Variants in LRBA observed in about 807,000 individuals in gnomAD.
LRBA encodes LPS responsive beige-like anchor protein.
LRBA carries 176 observed loss-of-function variants against 330.0 expected under a neutral mutation model. That is an observed-to-expected ratio of 0.53 (90% confidence interval 0.47 to 0.60). The LOEUF (loss-of-function observed/expected upper bound fraction) is 0.60. LRBA is among the 20% of genes least tolerant of loss of function. LRBA has a pLI of 0.00. For synonymous variants in LRBA, 1,230 were observed against 1,193.0 expected (o/e 1.03, Z -0.64); for missense variants, 3,259 against 3,444.8 (o/e 0.95, Z 1.35).
chr4:150,933,057 A>G (rs1417497351), intron 2 of LRBA, among the ~76,000 whole-genome samples: 1 of 152,200 alleles, frequency 6.6e-6, no homozygotes, highest in Non-Finnish European at 1.5e-5. Context: ...TAGATACAAG[A>G]ACTTCATTGT....
At chr4:150,594,291 A>G (rs929471467) in intron 38 of LRBA, among the ~76,000 whole-genome samples, 1 of 152,068 alleles carries the variant, frequency 6.6e-6, no homozygotes, top group Non-Finnish European at 1.5e-5. Flanking sequence ...CAGTGGTCTA[A>G]TAGCTTTCTG....
chr4:150,715,676 T>C (rs1728093588), intron 36 of LRBA, among the ~76,000 whole-genome samples: 1 of 152,180 alleles, frequency 6.6e-6, no homozygotes, highest in African/African-American at 2.4e-5. Flanking sequence ...AAAGACTACA[T>C]CATAAGCATT....
intron 40 of LRBA, among the ~76,000 whole-genome samples, chr4:150,557,590 A>G (rs1366471462): frequency 6.6e-6 from 1 of 151,772 alleles, no homozygotes; most frequent in Admixed American, 6.6e-5. Context: ...ATGGTTTTTA[A>G]GACTTTTCGT....
chr4:150,814,668 G>C (rs961832458), intron 31 of LRBA, among the ~76,000 whole-genome samples: 7 of 151,470 alleles, frequency 4.6e-5, no homozygotes, highest in Non-Finnish European at 3.0e-5. Flanking sequence ...GGGGAAAAAA[G>C]TTTAAAATTC....
chr4:150,467,793 G>A lies in LRBA; in HGVS notation c.6668-8C>T. ...AGTCATTATAACTCCGTCCTGATAG[G>A]GAAAAAAGTTACTCGTAATTTATAA... On this transcript the variant is annotated splice_region_variant and splice_polypyrimidine_tract_variant and intron_variant, in intron 43 of 56. Transcript: ENST00000651943. The A allele has an allele frequency of 7.9e-7, 1 of 1,258,036 alleles. No individual in the cohort carries two copies. Among genetic ancestry groups the A allele is most frequent in the Admixed American group, 2.1e-5 (1 of 48,110 alleles). The allele number at this position is 1,258,036 out of a possible 1,614,324, so 77.9% of individuals were successfully genotyped here.
intron 37 of LRBA, among the ~76,000 whole-genome samples, chr4:150,629,301 A>G (rs1581858892): frequency 6.6e-6 from 1 of 152,236 alleles, no homozygotes; most frequent in East Asian, 1.9e-4. Flanking sequence ...TAAAAATGTA[A>G]GTATAAACTA....
intron 2 of LRBA, among the ~76,000 whole-genome samples, chr4:150,964,147 C>T (rs1738591107): frequency 1.3e-5 from 2 of 148,280 alleles, no homozygotes; most frequent in Non-Finnish European, 2.9e-5. Flanking sequence ...CCCGCCCGGC[C>T]AGCTGCCCCG....
Position 151,005,686 on chromosome 4 carries a change from C to T in LRBA, c.216+8741G>A, listed in dbSNP as rs1201312451. 2.0e-5 allele frequency among the ~76,000 whole-genome samples: 3 copies of T among 148,720 alleles called. No individual in the cohort carries two copies. The Admixed American group carries it at 2.0e-4, about 10-fold the overall frequency. Reference sequence around the variant, plus strand: ...GTGGTGCAATCTCAGCTCACACCAACCTCCACCTCCCAGGTTCAAGCAATT... The same window carrying T: ...GTGGTGCAATCTCAGCTCACACCAATCTCCACCTCCCAGGTTCAAGCAATT... On this transcript the variant is annotated intron_variant, in intron 2 of 56. Transcript: ENST00000651943.
intron 37 of LRBA, among the ~76,000 whole-genome samples, chr4:150,620,708 G>A (rs1776210879): frequency 6.6e-6 from 1 of 152,232 alleles, no homozygotes; most frequent in East Asian, 1.9e-4. Context: ...CTGAGGAATG[G>A]AAAACCAAAT....
chr4:150,754,815 T>C (rs1377112999), intron 35 of LRBA, among the ~76,000 whole-genome samples: 1 of 152,162 alleles, frequency 6.6e-6, no homozygotes. Flanking sequence ...CCCACATATA[T>C]AATTTTAAAA....
intron 34 of LRBA, among the ~76,000 whole-genome samples, chr4:150,774,192 G>A (rs1247043263): frequency 6.6e-6 from 1 of 152,104 alleles, no homozygotes; most frequent in Non-Finnish European, 1.5e-5. Flanking sequence ...AACCAGATGA[G>A]GATACAACAG....
In LRBA at chr4:150,325,793, T is replaced by G; in HGVS notation, c.7452+16A>C. The stretch of plus-strand genomic sequence containing the variant: ...AAGGAGAGGCAAGAAATGAGGAGAG[T>G]AAAAATAGCACTTACCACTTGCATG... On this transcript the variant is annotated intron_variant, in intron 49 of 56. Transcript: ENST00000651943. 1 of 1,566,254 alleles carries G rather than the reference T, an allele frequency of 6.4e-7. No homozygotes were observed. The highest frequency in any genetic ancestry group is 8.8e-7 in the Non-Finnish European group (1 of 1,136,956).
intron 34 of LRBA, among the ~76,000 whole-genome samples, chr4:150,767,881 G>A (rs1027018792): frequency 6.6e-6 from 1 of 151,674 alleles, no homozygotes; most frequent in Non-Finnish European, 1.5e-5. Flanking sequence ...GGCCAACATG[G>A]TGAAACCCCA....
chr4:150,981,962 CAAA>C (rs57550785), intron 2 of LRBA, among the ~76,000 whole-genome samples: 3 of 63,932 alleles, frequency 4.7e-5, no homozygotes, highest in Non-Finnish European at 7.5e-5. Context: ...GACTCCATCT[CAAA>C]AAAAAAAAAA....
At chr4:150,305,286 G>C (rs1026061332) in intron 52 of LRBA, among the ~76,000 whole-genome samples, 1 of 152,194 alleles carries the variant, frequency 6.6e-6, no homozygotes, top group African/African-American at 2.4e-5. Context: ...TTTTACAAGA[G>C]TCACATGGTA....
chr4:150,771,962 A>C (rs549209425), intron 34 of LRBA, among the ~76,000 whole-genome samples: 1 of 152,280 alleles, frequency 6.6e-6, no homozygotes, highest in Non-Finnish European at 1.5e-5. Flanking sequence ...ACAAATACAC[A>C]GTATTCAGAT....
At chr4:150,929,160 C>T (rs1734198762) in intron 2 of LRBA, 95 bp from the exon 3 acceptor site, 1 of 703,532 alleles carries the variant, frequency 1.4e-6, no homozygotes, top group Non-Finnish European at 2.3e-6. Context: ...TAACTACTCA[C>T]ATTCTTCCTC....
At chr4:150,646,775 T>C (rs1171275081) in intron 37 of LRBA, among the ~76,000 whole-genome samples, 2 of 152,050 alleles carry the variant, frequency 1.3e-5, no homozygotes, top group Non-Finnish European at 2.9e-5. Flanking sequence ...AATCTGGAAT[T>C]TGAAATGCTA....
At chr4:150,341,380 C>G (rs1281098605) in intron 48 of LRBA, among the ~76,000 whole-genome samples, 1 of 152,034 alleles carries the variant, frequency 6.6e-6, no homozygotes, top group African/African-American at 2.4e-5. Flanking sequence ...GTTGCCCAGG[C>G]TGGTCTTGAA....
Sources: allele counts gnomAD v4.1 joint callset (sites outside exome capture counted in the v4.1 genomes callset), GRCh38; gene constraint gnomAD v4.1.1; transcripts MANE v1.5; gene names NCBI Gene and HGNC (gene_info 2026-07-23, HGNC 2026-07-21).